Variants in TFAP2D observed in about 807,000 individuals in gnomAD.
TFAP2D encodes transcription factor AP-2-delta.
A neutral mutation model predicts 43.6 loss-of-function variants in TFAP2D; 9 were observed. The observed-to-expected ratio is 0.21, with a 90% CI of 0.12 to 0.36. The LOEUF (loss-of-function observed/expected upper bound fraction) is 0.36. TFAP2D is among the 10% of genes least tolerant of loss of function. TFAP2D has a pLI of 1.00. For missense variants in TFAP2D, 513 were observed against 561.4 expected (o/e 0.91, Z 0.87); for synonymous variants, 256 against 224.9 (o/e 1.14, Z -1.24).
rs775627704 is a variant in TFAP2D, at chr6:50,714,007, CT to C, written c.-42del. On this transcript the variant is annotated 5_prime_UTR_variant, in exon 1 of 8. Transcript: ENST00000008391. ...AAGTTTGGATTTTTTTTTCCCGATT[CT>C]TTTTTTGGAGGGGGAAATTGCATCG... 2.5e-6 allele frequency: 4 copies of C among 1,592,262 alleles called. No individual in the cohort carries two copies. In the African/African-American group the frequency reaches 5.5e-5, roughly 22 times the overall value.
intron 5 of TFAP2D, among the ~76,000 whole-genome samples, chr6:50,741,647 G>A (rs1430593638): frequency 6.6e-6 from 1 of 151,378 alleles, no homozygotes; most frequent in Admixed American, 6.6e-5. Flanking sequence ...AAATGATATG[G>A]AATAAAATGA....
intron 3 of TFAP2D, among the ~76,000 whole-genome samples, chr6:50,722,308 C>T (rs1421947839): frequency 6.6e-6 from 1 of 152,136 alleles, no homozygotes; most frequent in Non-Finnish European, 1.5e-5. Flanking sequence ...TCTTTCGCCT[C>T]GGGCGTAGGC....
intron 7 of TFAP2D, among the ~76,000 whole-genome samples, chr6:50,771,725 T>A (rs1017101634): frequency 6.6e-6 from 1 of 152,134 alleles, no homozygotes; most frequent in African/African-American, 2.4e-5. Context: ...AGAATGGCGA[T>A]CATTAAAAAG....
At chr6:50,721,053 T>C (rs947516467) in intron 3 of TFAP2D, among the ~76,000 whole-genome samples, 21 of 152,170 alleles carry the variant, frequency 1.4e-4, no homozygotes, top group African/African-American at 5.1e-4. Flanking sequence ...ACCCCCTCAC[T>C]CAATTCCCAA....
At chr6:50,742,994 C>CA (rs957070816) in intron 5 of TFAP2D, among the ~76,000 whole-genome samples, 1 of 147,446 alleles carries the variant, frequency 6.8e-6, no homozygotes, top group Non-Finnish European at 1.5e-5. Context: ...CACACACACA[C>CA]ATCTTTGTGC....
At chr6:50,770,475 C>G (rs1048344855) in intron 7 of TFAP2D, among the ~76,000 whole-genome samples, 3 of 151,826 alleles carry the variant, frequency 2.0e-5, no homozygotes, top group African/African-American at 4.8e-5. Flanking sequence ...AAGATGGTAA[C>G]AACCTATGGA....
rs371680772 is a variant in TFAP2D, at chr6:50,728,878, C to T, written c.621C>T (p.Pro207=). The T allele has an allele frequency of 1.4e-5, 23 of 1,613,990 alleles. No individual in the cohort carries two copies. Among genetic ancestry groups the T allele is most frequent in the Non-Finnish European group, 1.9e-5 (23 of 1,179,904 alleles). ...AAGGTGGCACCTGTGTGGTCAACCC[C>T]ACAGACTTATTTTGCTCTGTCCCTG... ...IRRGGTCVVN[P]TDLFCSVPGR... Residue 207 remains proline (P), a synonymous_variant, in exon 4 of 8, where the codon CCC becomes CCT. Transcript: ENST00000008391.
At chr6:50,758,148 T>G (rs929989212) in intron 7 of TFAP2D, among the ~76,000 whole-genome samples, 5 of 151,862 alleles carry the variant, frequency 3.3e-5, no homozygotes, top group Non-Finnish European at 7.4e-5. Flanking sequence ...GCCTACCTTC[T>G]TAGAAATATA....
At chr6:50,722,925 T>C (rs1331688053) in intron 3 of TFAP2D, among the ~76,000 whole-genome samples, 2 of 152,182 alleles carry the variant, frequency 1.3e-5, no homozygotes, top group African/African-American at 4.8e-5. Flanking sequence ...TTCAGAAGCT[T>C]AAACACTGCG....
chr6:50,745,104 C>T lies in TFAP2D; in HGVS notation c.884-3C>T, dbSNP rs1473871306. ...GAAACTCACTTGTGTTATCTGCCAA[C>T]AGGGGAGGCTTTGCACTTGGCTCGG... On this transcript the variant is annotated splice_region_variant and splice_polypyrimidine_tract_variant and intron_variant, in intron 5 of 7. Transcript: ENST00000008391. 5.0e-6 allele frequency: 8 copies of T among 1,613,058 alleles called. No homozygotes were observed. Among genetic ancestry groups the T allele is most frequent in the Non-Finnish European group, 6.8e-6 (8 of 1,179,608 alleles).
intron 5 of TFAP2D, among the ~76,000 whole-genome samples, chr6:50,742,488 C>G (rs184294512): frequency 1.7e-3 from 261 of 151,942 alleles, no homozygotes; most frequent in Middle Eastern, 0.017. Flanking sequence ...CCTGTTTTAC[C>G]TCTCCCACTA....
intron 7 of TFAP2D, among the ~76,000 whole-genome samples, chr6:50,767,238 A>G (rs1769458275): frequency 6.6e-6 from 1 of 152,218 alleles, no homozygotes; most frequent in Non-Finnish European, 1.5e-5. Flanking sequence ...AAGTGGTAAG[A>G]GTGGGCACCG....
At chr6:50,732,519 G>A (rs1768908447) in intron 5 of TFAP2D, among the ~76,000 whole-genome samples, 1 of 152,022 alleles carries the variant, frequency 6.6e-6, no homozygotes, top group African/African-American at 2.4e-5. Flanking sequence ...TCCTCACAGA[G>A]CAGACTTAGA....
intron 5 of TFAP2D, among the ~76,000 whole-genome samples, chr6:50,730,002 C>T (rs962663854): frequency 6.0e-5 from 9 of 150,630 alleles, no homozygotes; most frequent in Admixed American, 6.6e-5. Context: ...TATTGAAAGG[C>T]TTTTTTTTTA....
Position 50,714,997 on chromosome 6 carries a change from C to T in TFAP2D, c.40-119C>T, listed in dbSNP as rs563150254. Reference sequence around the variant, plus strand: ...CGGCTTCGGCTCGGCCCGAGTCCTACGCGCTCGCTTTCCTTGGAGTGCCAG... The same window carrying T: ...CGGCTTCGGCTCGGCCCGAGTCCTATGCGCTCGCTTTCCTTGGAGTGCCAG... On this transcript the variant is annotated intron_variant, in intron 1 of 7. Transcript: ENST00000008391. The T allele has an allele frequency of 4.4e-6, 6 of 1,369,800 alleles. No individual in the cohort carries two copies. In the African/African-American group the frequency reaches 7.3e-5, roughly 17 times the overall value. The allele number at this position is 1,369,800 out of a possible 1,614,324, so 84.9% of individuals were successfully genotyped here.
At chr6:50,764,050 A>G (rs1250835554) in intron 7 of TFAP2D, among the ~76,000 whole-genome samples, 1 of 152,182 alleles carries the variant, frequency 6.6e-6, no homozygotes, top group Non-Finnish European at 1.5e-5. Flanking sequence ...AATTAAATAT[A>G]ATTTAATAAC....
At chr6:50,748,702 G>T (rs906911993) in intron 6 of TFAP2D, among the ~76,000 whole-genome samples, 3 of 151,774 alleles carry the variant, frequency 2.0e-5, no homozygotes, top group Admixed American at 2.0e-4. Flanking sequence ...TGTTTATTTG[G>T]TTAATAGAAA....
chr6:50,771,593 G>A (rs6910261), intron 7 of TFAP2D, among the ~76,000 whole-genome samples: 5,910 of 152,238 alleles, frequency 0.039, 382 homozygotes, highest in African/African-American at 0.13. Flanking sequence ...AGAATCTAAA[G>A]GTGTGTTTTC....
At chr6:50,763,613 T>G (rs1171232014) in intron 7 of TFAP2D, among the ~76,000 whole-genome samples, 2 of 152,176 alleles carry the variant, frequency 1.3e-5, no homozygotes, top group East Asian at 1.9e-4. Context: ...CACTTCAGCT[T>G]TTTAATAATC....
Sources: allele counts gnomAD v4.1 joint callset (sites outside exome capture counted in the v4.1 genomes callset), GRCh38; gene constraint gnomAD v4.1.1; transcripts MANE v1.5; gene names NCBI Gene and HGNC (gene_info 2026-07-23, HGNC 2026-07-21).